The following ZFAT variants were observed in gnomAD, a reference collection of about 807,000 sequenced individuals.
The protein encoded by ZFAT is zinc finger protein ZFAT.
A neutral mutation model predicts 117.7 loss-of-function variants in ZFAT; 64 were observed. The observed-to-expected ratio is 0.54, with a 90% CI of 0.44 to 0.67. The LOEUF (loss-of-function observed/expected upper bound fraction) is 0.67, where lower values mean the gene tolerates loss of function less well. Among genes scored for constraint, ZFAT ranks in the 30% least tolerant of loss-of-function variants. The pLI is 0.00. For missense variants in ZFAT, 1,433 were observed against 1,584.5 expected, an observed-to-expected ratio of 0.90 and a Z score of 1.62; for synonymous variants, 679 against 615.0, an observed-to-expected ratio of 1.10 and a Z score of -1.54.
intron 15 of ZFAT, among the ~76,000 whole-genome samples, chr8:134,483,216 C>T (rs1313599558): frequency 2.0e-5 from 3 of 152,236 alleles, no homozygotes; most frequent in Non-Finnish European, 4.4e-5. Context: ...TCTCCCATGC[C>T]TTGTCCTGAT....
chr8:134,726,001 T>C, the ZFAT span, among the ~76,000 whole-genome samples: 1 of 152,144 alleles, frequency 6.6e-6, no homozygotes, highest in Non-Finnish European at 1.5e-5. Context: ...ATTCTTCTCC[T>C]TTAAGACCCA....
chr8:134,557,376 C>T (rs1823723276), intron 11 of ZFAT, among the ~76,000 whole-genome samples: 1 of 152,154 alleles, frequency 6.6e-6, no homozygotes, highest in African/African-American at 2.4e-5. Context: ...GACTAAGGTA[C>T]TGTGGTATCC....
chr8:134,780,765 G>GA, the ZFAT span, among the ~76,000 whole-genome samples: 3 of 152,058 alleles, frequency 2.0e-5, no homozygotes, highest in Admixed American at 1.3e-4. Context: ...ATGCTGAATT[G>GA]AAAAAAATGC....
chr8:134,799,892 T>C, the ZFAT span, among the ~76,000 whole-genome samples: 1 of 152,238 alleles, frequency 6.6e-6, no homozygotes, highest in South Asian at 2.1e-4. Flanking sequence ...AACTAGCATT[T>C]ATTGAGTACT....
At chr8:134,663,902 A>AGTCCAT (rs966430924) in intron 1 of ZFAT, among the ~76,000 whole-genome samples, 33 of 152,194 alleles carry the variant, frequency 2.2e-4, no homozygotes, top group African/African-American at 8.0e-4. Context: ...GTCTTATTCA[A>AGTCCAT]GTCCATGTCC....
intron 1 of ZFAT, among the ~76,000 whole-genome samples, chr8:134,664,234 G>A (rs1178213981): frequency 6.6e-6 from 1 of 152,060 alleles, no homozygotes; most frequent in Non-Finnish European, 1.5e-5. Context: ...GGTCAGAGAG[G>A]CTGACCTCCC....
At chr8:134,789,442 T>C in the ZFAT span, among the ~76,000 whole-genome samples, 1 of 152,242 alleles carries the variant, frequency 6.6e-6, no homozygotes, top group Non-Finnish European at 1.5e-5. Flanking sequence ...ATTTTGCTTC[T>C]GCCTGAAGAA....
intron 1 of ZFAT, 106 bp downstream of exon 1, chr8:134,712,739 G>GGCGGCCGGCGGCCGGC (rs1554626159): frequency 8.1e-4 from 920 of 1,135,610 alleles, no homozygotes; most frequent in Admixed American, 9.5e-4. Flanking sequence ...GCCGGCGGCC[G>GGCGGCCGGCGGCCGGC]GCGGCCGGCG....
In ZFAT at chr8:134,587,893, C is replaced by A. The variant is rs562198049; in HGVS notation, c.2713+353G>T. Among the ~76,000 whole-genome samples, 7 of 152,306 alleles carry A rather than the reference C, an allele frequency of 4.6e-5. No homozygotes were observed. The East Asian group carries it at 1.3e-3, about 29-fold the overall frequency. On this transcript the variant is annotated intron_variant, in intron 9 of 15. Transcript: ENST00000377838. ...TCATAATACCAACATTTCTGGAAAA[C>A]CTGCTATGCACAGGGCACAGGGTGG...
chr8:134,618,256 C>T (rs1478572815), intron 3 of ZFAT, among the ~76,000 whole-genome samples: 1 of 152,128 alleles, frequency 6.6e-6, no homozygotes, highest in Non-Finnish European at 1.5e-5. Flanking sequence ...GGACACTTTG[C>T]GACACCCATA....
At chr8:134,509,275 A>G (rs578222559) in intron 15 of ZFAT, among the ~76,000 whole-genome samples, 4 of 152,304 alleles carry the variant, frequency 2.6e-5, no homozygotes, top group Admixed American at 6.5e-5. Context: ...CAATTTACTA[A>G]TGGCGCCTTA....
At chr8:134,632,184 G>A (rs563571789) in intron 3 of ZFAT, among the ~76,000 whole-genome samples, 81 of 152,280 alleles carry the variant, frequency 5.3e-4, no homozygotes, top group Non-Finnish European at 9.7e-4. Context: ...AACATGAGGA[G>A]AATGAAGATG....
chr8:134,819,007 C>T, the ZFAT span, among the ~76,000 whole-genome samples: 2 of 152,020 alleles, frequency 1.3e-5, no homozygotes, highest in Non-Finnish European at 2.9e-5. Context: ...TGGATAAACA[C>T]GTCAAAACTT....
At chr8:134,783,337 G>A in the ZFAT span, among the ~76,000 whole-genome samples, 31 of 152,236 alleles carry the variant, frequency 2.0e-4, no homozygotes, top group South Asian at 4.2e-3. Context: ...GAGCATTACC[G>A]CCTGAGCTCC....
At chr8:134,713,371 T>C (rs1008819462), upstream of ZFAT, among the ~76,000 whole-genome samples, 2 of 152,196 alleles carry the variant, frequency 1.3e-5, no homozygotes, top group Non-Finnish European at 2.9e-5. Context: ...GTGTCCCAGC[T>C]CTACCTCTCA....
At chr8:134,593,751 C>A (rs1480200822) in intron 7 of ZFAT, among the ~76,000 whole-genome samples, 1 of 152,214 alleles carries the variant, frequency 6.6e-6, no homozygotes, top group African/African-American at 2.4e-5. Context: ...TTCTACTCAA[C>A]CATTTCTCAG....
At chr8:134,560,904 C>T (rs929725447) in intron 11 of ZFAT, among the ~76,000 whole-genome samples, 1 of 152,242 alleles carries the variant, frequency 6.6e-6, no homozygotes, top group African/African-American at 2.4e-5. Flanking sequence ...AATCCTAGTT[C>T]AGCAACATTC....
chr8:134,720,021 A>C, the ZFAT span, among the ~76,000 whole-genome samples: 4 of 152,242 alleles, frequency 2.6e-5, no homozygotes, highest in Admixed American at 2.6e-4. Flanking sequence ...CACAAACTTG[A>C]TAAGCACTTG....
intron 1 of ZFAT, chr8:134,674,836 TG>T: frequency 3.8e-6 from 1 of 265,190 alleles, no homozygotes; most frequent in South Asian, 3.4e-5. Flanking sequence ...CCTCCACTGG[TG>T]ATACCCAGGC....
Sources: gnomAD v4.1 joint callset for allele counts (sites outside exome capture counted in the v4.1 genomes callset) on GRCh38, gnomAD v4.1.1 for gene constraint, MANE v1.5 for transcripts, NCBI Gene and HGNC (gene_info 2026-07-23, HGNC 2026-07-21) for gene names.